Variants in WDPCP observed in about 807,000 individuals in gnomAD.
The protein encoded by WDPCP is WD repeat-containing and planar cell polarity effector protein fritz homolog.
In WDPCP, 71 loss-of-function variants were observed where a neutral mutation model predicts 93.1. That is an observed-to-expected ratio of 0.76 (90% CI 0.63 to 0.93). WDPCP has a LOEUF of 0.93. Ranked by LOEUF, WDPCP falls within the 40% of genes least tolerant of loss-of-function variation. The pLI, the probability that WDPCP is intolerant of heterozygous loss-of-function variation, is 0.00. For missense variants in WDPCP, 844 were observed against 887.4 expected (o/e 0.95, Z 0.62); for synonymous variants, 315 against 315.0 (o/e 1.00, Z 0.00).
At chr2:63,164,196 GCTGTACC>G (rs1257966574) in intron 15 of WDPCP, among the ~76,000 whole-genome samples, 4 of 152,108 alleles carry the variant, frequency 2.6e-5, no homozygotes, top group African/African-American at 9.7e-5. Flanking sequence ...CTAGTTTAGG[GCTGTACC>G]TAATCTAATT....
At chr2:63,177,460 G>T (rs1375706357) in intron 14 of WDPCP, among the ~76,000 whole-genome samples, 1 of 152,078 alleles carries the variant, frequency 6.6e-6, no homozygotes, top group Non-Finnish European at 1.5e-5. Flanking sequence ...CCTTGGTTAG[G>T]TTTATTCCAA....
chr2:63,299,175 A>C (rs939381181), intron 13 of WDPCP, among the ~76,000 whole-genome samples: 2 of 152,228 alleles, frequency 1.3e-5, no homozygotes, highest in African/African-American at 4.8e-5. Context: ...CATAGTAGCC[A>C]CATTGTGAGT....
chr2:63,799,102 G>C lies in WDPCP; in HGVS notation n.308+14520C>G, dbSNP rs555177188. On this transcript the variant is annotated intron_variant and non_coding_transcript_variant, in intron 2 of 4. Coordinates refer to the WDPCP transcript ENST00000467687. ...CCTACTAAGAATGTTTCACACTTTA[G>C]AGTCTGCCAATACAACTAATAGTTT... Among the ~76,000 whole-genome samples the C allele has an allele frequency of 4.6e-5, 7 of 152,242 alleles. No individual in the cohort carries two copies. The South Asian group carries it at 1.4e-3, about 32-fold the overall frequency.
intron 6 of WDPCP, among the ~76,000 whole-genome samples, chr2:63,473,868 A>G (rs544061243): frequency 1.5e-4 from 23 of 152,130 alleles, no homozygotes; most frequent in Non-Finnish European, 3.4e-4. Context: ...TTTTTTCTAT[A>G]ATTACGTTTT....
chr2:63,353,051 C>G (rs964098523), intron 12 of WDPCP, among the ~76,000 whole-genome samples: 14 of 152,112 alleles, frequency 9.2e-5, no homozygotes, highest in Non-Finnish European at 2.1e-4. Flanking sequence ...AAAAGCACAA[C>G]AGGACGATGG....
At chr2:63,160,079 G>T (rs954592464) in intron 15 of WDPCP, among the ~76,000 whole-genome samples, 5 of 152,058 alleles carry the variant, frequency 3.3e-5, no homozygotes, top group African/African-American at 1.2e-4. Flanking sequence ...TTAAGTTCTT[G>T]TCTTCGTCCT....
intron 14 of WDPCP, among the ~76,000 whole-genome samples, chr2:63,179,591 T>C (rs1405835033): frequency 6.6e-6 from 1 of 151,920 alleles, no homozygotes; most frequent in East Asian, 2.0e-4. Flanking sequence ...GCCAGCACTG[T>C]GCTTGTAGAG....
At chr2:63,448,417 G>A (rs1698004978) in intron 6 of WDPCP, among the ~76,000 whole-genome samples, 2 of 144,264 alleles carry the variant, frequency 1.4e-5, no homozygotes, top group Non-Finnish European at 3.0e-5. Context: ...CATGCTACCT[G>A]AGTTAATTAA....
chr2:63,166,191 C>T (rs1241954703), intron 15 of WDPCP, among the ~76,000 whole-genome samples: 1 of 151,874 alleles, frequency 6.6e-6, no homozygotes, highest in Non-Finnish European at 1.5e-5. Flanking sequence ...CTCAGCCTCC[C>T]AAGTAGCTGG....
intron 13 of WDPCP, among the ~76,000 whole-genome samples, chr2:63,298,833 T>C (rs1458978008): frequency 6.6e-6 from 1 of 152,224 alleles, no homozygotes; most frequent in Non-Finnish European, 1.5e-5. Flanking sequence ...GAGGTGTTGC[T>C]GTGCACAGGT....
chr2:63,369,201 C>A (rs1691181653), intron 12 of WDPCP: 2 of 322,412 alleles, frequency 6.2e-6, no homozygotes, highest in Non-Finnish European at 1.2e-5. Context: ...ATCTCCAGTA[C>A]ATACTAATTT....
intron 13 of WDPCP, among the ~76,000 whole-genome samples, chr2:63,294,141 C>T (rs1254535130): frequency 6.6e-6 from 1 of 152,058 alleles, no homozygotes; most frequent in Non-Finnish European, 1.5e-5. Context: ...ATACAAGGGC[C>T]CCTAAGTAAT....
chr2:63,469,419 T>A (rs1471323134), intron 6 of WDPCP, among the ~76,000 whole-genome samples: 1 of 152,230 alleles, frequency 6.6e-6, no homozygotes, highest in East Asian at 1.9e-4. Flanking sequence ...GCAGCACTAT[T>A]CACAATAGCA....
chr2:63,621,171 T>G (rs1424677872), intron 3 of WDPCP, among the ~76,000 whole-genome samples: 1 of 151,972 alleles, frequency 6.6e-6, no homozygotes, highest in Non-Finnish European at 1.5e-5. Context: ...AAAATGAGTT[T>G]GACAAATTAA....
intron 13 of WDPCP, among the ~76,000 whole-genome samples, chr2:63,267,599 A>G (rs537702670): frequency 2.1e-4 from 32 of 152,352 alleles, no homozygotes; most frequent in Middle Eastern, 3.4e-3. Flanking sequence ...TAAGGGGCCA[A>G]TATCCAAAAT....
chr2:63,138,162 A>G (rs1480287647), intron 17 of WDPCP, among the ~76,000 whole-genome samples: 2 of 150,976 alleles, frequency 1.3e-5, no homozygotes, highest in Non-Finnish European at 2.9e-5. Flanking sequence ...GTAATAAAAA[A>G]TTGCACTGCA....
At chr2:63,534,117 T>C (rs561077821) in intron 1 of WDPCP, among the ~76,000 whole-genome samples, 2 of 151,778 alleles carry the variant, frequency 1.3e-5, no homozygotes, top group Non-Finnish European at 2.9e-5. Flanking sequence ...CTAGAAGAAA[T>C]GGATAAATTC....
intron 1 of WDPCP, among the ~76,000 whole-genome samples, chr2:63,504,927 A>C (rs1378486923): frequency 6.6e-6 from 1 of 152,092 alleles, no homozygotes; most frequent in Non-Finnish European, 1.5e-5. Context: ...ATGATATAAA[A>C]GTAAGCTCCA....
intron 12 of WDPCP, among the ~76,000 whole-genome samples, chr2:63,318,783 G>A (rs1686854989): frequency 6.6e-6 from 1 of 152,072 alleles, no homozygotes; most frequent in Non-Finnish European, 1.5e-5. Context: ...TGTGGGAGGA[G>A]GGTGAATTGA....
Sources: allele counts gnomAD v4.1 joint callset (sites outside exome capture counted in the v4.1 genomes callset), GRCh38; gene constraint gnomAD v4.1.1; transcripts MANE v1.5; gene names NCBI Gene and HGNC (gene_info 2026-07-23, HGNC 2026-07-21).